The following SLC25A21 variants were observed in gnomAD, a reference collection of about 807,000 sequenced individuals.
SLC25A21 encodes the protein solute carrier family 25 member 21, also known as mitochondrial 2-oxodicarboxylate carrier.
A neutral mutation model predicts 43.8 loss-of-function variants in SLC25A21; 47 were observed. The observed-to-expected ratio is 1.07, with a 90% CI of 0.85 to 1.37. The LOEUF is 1.37. Ranked by LOEUF, SLC25A21 falls within the 40% of genes most tolerant of loss-of-function variation. The pLI is 0.00. For synonymous variants in SLC25A21, 131 were observed against 121.3 expected, an observed-to-expected ratio of 1.08 and a Z score of -0.52; for missense variants, 352 against 350.2, an observed-to-expected ratio of 1.00 and a Z score of -0.04.
At chr14:36,932,717 T>C (rs1038680474) in intron 1 of SLC25A21, among the ~76,000 whole-genome samples, 1 of 151,864 alleles carries the variant, frequency 6.6e-6, no homozygotes, top group African/African-American at 2.4e-5. Context: ...CTGAGAATAG[T>C]AAAACTATAC....
At chr14:36,790,659 G>T (rs1342598388) in intron 3 of SLC25A21, among the ~76,000 whole-genome samples, 4 of 152,060 alleles carry the variant, frequency 2.6e-5, no homozygotes, top group Non-Finnish European at 5.9e-5. Context: ...CACTTTTGAG[G>T]TATGAAAATA....
intron 3 of SLC25A21, among the ~76,000 whole-genome samples, chr14:36,811,401 A>G (rs1888260408): frequency 6.6e-6 from 1 of 152,138 alleles, no homozygotes; most frequent in African/African-American, 2.4e-5. Flanking sequence ...CTGTAATCCT[A>G]GCACTTTGGG....
intron 3 of SLC25A21, among the ~76,000 whole-genome samples, chr14:36,788,205 T>G (rs1456939855): frequency 6.6e-6 from 1 of 152,150 alleles, no homozygotes; most frequent in East Asian, 1.9e-4. Flanking sequence ...AGTAACCTGA[T>G]AGACGACAAA....
chr14:36,859,926 T>C (rs1890019756), intron 2 of SLC25A21, among the ~76,000 whole-genome samples: 1 of 152,152 alleles, frequency 6.6e-6, no homozygotes, highest in Admixed American at 6.5e-5. Context: ...CAATCATTCA[T>C]TCACCAAGTG....
intron 1 of SLC25A21, among the ~76,000 whole-genome samples, chr14:37,145,456 C>A (rs1278803073): frequency 6.0e-5 from 2 of 33,102 alleles, no homozygotes; most frequent in Non-Finnish European, 1.8e-4. Flanking sequence ...CACACACACA[C>A]ACACACACAC....
At chr14:37,140,249 A>C (rs1000038003) in intron 1 of SLC25A21, among the ~76,000 whole-genome samples, 6 of 152,244 alleles carry the variant, frequency 3.9e-5, no homozygotes, top group African/African-American at 1.4e-4. Context: ...TGGTAGATAC[A>C]GGATAAAAAC....
intron 1 of SLC25A21, among the ~76,000 whole-genome samples, chr14:37,035,069 C>T (rs1240235833): frequency 6.6e-6 from 1 of 152,170 alleles, no homozygotes; most frequent in East Asian, 1.9e-4. Flanking sequence ...CAAGACTGGG[C>T]TATAAATTTT....
At chr14:36,957,385 G>C (rs1308353668) in intron 1 of SLC25A21, among the ~76,000 whole-genome samples, 1 of 152,204 alleles carries the variant, frequency 6.6e-6, no homozygotes, top group Non-Finnish European at 1.5e-5. Context: ...CTGGAACCCT[G>C]AGTTCCAGTC....
chr14:36,841,535 T>C (rs773523093), intron 2 of SLC25A21, among the ~76,000 whole-genome samples: 2 of 152,156 alleles, frequency 1.3e-5, no homozygotes, highest in African/African-American at 2.4e-5. Flanking sequence ...CTTTCAAACA[T>C]CTTTCAGATT....
intron 1 of SLC25A21, among the ~76,000 whole-genome samples, chr14:36,925,408 T>C (rs1892103470): frequency 1.3e-5 from 2 of 152,224 alleles, no homozygotes; most frequent in South Asian, 4.1e-4. Flanking sequence ...TAAACACTAA[T>C]TATACAAAAC....
chr14:36,928,766 T>G (rs1892203349), intron 1 of SLC25A21, among the ~76,000 whole-genome samples: 2 of 152,302 alleles, frequency 1.3e-5, no homozygotes, highest in Middle Eastern at 3.4e-3. Flanking sequence ...AAGAAAATCC[T>G]CTTCCTAAAA....
chr14:36,814,278 T>A, intron 2 of SLC25A21, among the ~76,000 whole-genome samples: 1 of 152,258 alleles, frequency 6.6e-6, no homozygotes. Flanking sequence ...TTGTGCTTTT[T>A]CCTTTTGTGA....
intron 1 of SLC25A21, among the ~76,000 whole-genome samples, chr14:36,939,502 A>G (rs1892504843): frequency 6.6e-6 from 1 of 151,994 alleles, no homozygotes; most frequent in Non-Finnish European, 1.5e-5. Context: ...GTCCATCTAA[A>G]TCTTTGTGAC....
rs373524368 is a variant in SLC25A21, at chr14:37,148,400, C to A, written c.70+23881G>T. 5.3e-5 allele frequency among the ~76,000 whole-genome samples: 8 copies of A among 152,258 alleles called. No homozygotes were observed. The South Asian group carries it at 1.5e-3, about 28-fold the overall frequency. ...CAAATCATACTATTTAGCATGAGAT[C>A]ATCTTCATTTAGATACACCATAGGT... On this transcript the variant is annotated intron_variant, in intron 1 of 9. Transcript: ENST00000331299.
intron 1 of SLC25A21, among the ~76,000 whole-genome samples, chr14:36,910,279 C>G (rs1891650833): frequency 6.6e-6 from 1 of 152,062 alleles, no homozygotes. Context: ...ATTGAATGAC[C>G]TCTATTACTT....
At chr14:36,905,631 T>C (rs956217840) in intron 1 of SLC25A21, among the ~76,000 whole-genome samples, 1 of 152,194 alleles carries the variant, frequency 6.6e-6, no homozygotes, top group Non-Finnish European at 1.5e-5. Context: ...ATTTTTTTTT[T>C]TGTCTTTAAA....
intron 1 of SLC25A21, among the ~76,000 whole-genome samples, chr14:37,056,351 G>A (rs562500722): frequency 7.2e-5 from 11 of 152,000 alleles, no homozygotes; most frequent in South Asian, 2.1e-4. Context: ...TTAGCCAGGC[G>A]AGGTGGCGGG....
At chr14:36,838,472 A>C (rs1785842565) in intron 2 of SLC25A21, among the ~76,000 whole-genome samples, 1 of 152,176 alleles carries the variant, frequency 6.6e-6, no homozygotes, top group African/African-American at 2.4e-5. Flanking sequence ...TCTTTTGCTA[A>C]ATAAATTGGG....
chr14:36,683,834 C>G lies in SLC25A21; in HGVS notation c.832G>C (p.Gly278Arg). The change falls in exon 9 of 10, where the codon GGA becomes CGA. Residue 278 changes from glycine to arginine, a missense_variant. Coordinates refer to ENST00000331299, the MANE Select transcript of SLC25A21 (RefSeq NM_030631.4). ...KGLLPKIMRLGPGGAVMLLVY... is the reference protein window; with the variant it reads ...KGLLPKIMRLRPGGAVMLLVY... ...TAATCAAAATTATCATTACCTGGTC[C>G]AAGTCTCATAATCTTGGGAAGCAGG... is the stretch of plus-strand genomic sequence containing the variant. The G allele has an allele frequency of 2.5e-6, 4 of 1,602,044 alleles. No homozygotes were observed. The highest frequency in any genetic ancestry group is 3.4e-6 in the Non-Finnish European group (4 of 1,172,684).
Sources: allele counts gnomAD v4.1 joint callset (sites outside exome capture counted in the v4.1 genomes callset), GRCh38; gene constraint gnomAD v4.1.1; transcripts MANE v1.5; gene names NCBI Gene and HGNC (gene_info 2026-07-23, HGNC 2026-07-21).